Variants in ABCC1 observed in about 807,000 individuals in gnomAD.
ABCC1 encodes the protein ATP binding cassette subfamily C member 1 (ABCC1 blood group).
ABCC1 carries 83 observed loss-of-function variants against 172.9 expected under a neutral mutation model. That is an observed-to-expected ratio of 0.48 (90% CI 0.40 to 0.58). The LOEUF (loss-of-function observed/expected upper bound fraction) is 0.58, where lower values mean the gene tolerates loss of function less well. Ranked by LOEUF, ABCC1 falls within the 20% of genes least tolerant of loss-of-function variation. The probability of loss-of-function intolerance (pLI) is 0.00; values close to 1 mark genes in which losing one functional copy is unlikely to be tolerated. For missense variants in ABCC1, 1,817 were observed against 2,002.7 expected, an observed-to-expected ratio of 0.91 and a Z score of 1.77; for synonymous variants, 937 against 825.2, an observed-to-expected ratio of 1.14 and a Z score of -2.32.
chr16:15,963,877 T>C (rs2046190486), intron 1 of ABCC1, among the ~76,000 whole-genome samples: 1 of 152,218 alleles, frequency 6.6e-6, no homozygotes, highest in African/African-American at 2.4e-5. Context: ...TGCAAGTTTC[T>C]GCAGCCGGCT....
chr16:15,956,336 G>T (rs1327471756), intron 1 of ABCC1, among the ~76,000 whole-genome samples: 1 of 151,676 alleles, frequency 6.6e-6, no homozygotes, highest in African/African-American at 2.4e-5. Context: ...TTGCACTCCA[G>T]CTTGGGTGAC....
chr16:16,120,820 A>G (rs2045116643), intron 23 of ABCC1, among the ~76,000 whole-genome samples: 1 of 152,062 alleles, frequency 6.6e-6, no homozygotes, highest in Non-Finnish European at 1.5e-5. Context: ...GGGTGACGAG[A>G]TTGACCCTAT....
chr16:16,125,320 T>C (rs894976396), intron 25 of ABCC1, among the ~76,000 whole-genome samples: 2 of 152,218 alleles, frequency 1.3e-5, no homozygotes, highest in African/African-American at 4.8e-5. Flanking sequence ...GAAATGTGTG[T>C]GCTTAGGAGA....
At chr16:16,074,483 G>C (rs35620) in intron 14 of ABCC1, among the ~76,000 whole-genome samples, 125,786 of 152,090 alleles carry the variant, frequency 0.83, 52,147 homozygotes, top group African/African-American at 0.85. Flanking sequence ...TGGTTTCTTG[G>C]TACTGAAGTT....
At chr16:15,984,970 G>A (rs1400276315) in intron 1 of ABCC1, among the ~76,000 whole-genome samples, 1 of 151,918 alleles carries the variant, frequency 6.6e-6, no homozygotes, top group Non-Finnish European at 1.5e-5. Context: ...GGGCGTGGTG[G>A]CATACACCTG....
rs144049361 is a variant in ABCC1 at position 16,052,088 on chromosome 16, G to T, written c.1381-636G>T. On this transcript the variant is annotated intron_variant, in intron 10 of 30. Transcript: ENST00000399410. The stretch of plus-strand genomic sequence containing the variant: ...TCTACAAAAAATCAAAAAAATAGCT[G>T]GGCATGGTGGTGTGAGTGTAGTCAC... Among the ~76,000 whole-genome samples the T allele has an allele frequency of 2.8e-3, 433 of 152,274 alleles. 4 individuals carry two copies. The highest frequency in any genetic ancestry group is 9.3e-3 in the African/African-American group (386 of 41,562).
intron 12 of ABCC1, among the ~76,000 whole-genome samples, chr16:16,061,780 T>C (rs1006895831): frequency 5.5e-5 from 8 of 144,628 alleles, no homozygotes; most frequent in Non-Finnish European, 9.0e-5. Flanking sequence ...TTCTTTTTTT[T>C]TTTTTTTTTT....
chr16:15,986,258 A>G (rs2046741240), intron 1 of ABCC1, among the ~76,000 whole-genome samples: 1 of 152,086 alleles, frequency 6.6e-6, no homozygotes, highest in South Asian at 2.1e-4. Context: ...TCTGACTCAG[A>G]TATTCCCACC....
At chr16:16,121,495 G>C (rs1463654282) in intron 23 of ABCC1, among the ~76,000 whole-genome samples, 1 of 152,194 alleles carries the variant, frequency 6.6e-6, no homozygotes, top group Non-Finnish European at 1.5e-5. Flanking sequence ...CCACACTGCT[G>C]GTTCCAGAAA....
Position 15,979,364 on chromosome 16 carries a change from G to A in ABCC1, c.49-28452G>A, listed in dbSNP as rs112077386. ...ATGTGAAGTAGTCTAGATGAGATACGCTCTTCCTGAGATGATAAAGTGAGG... is the reference window on the plus strand; with the variant it reads ...ATGTGAAGTAGTCTAGATGAGATACACTCTTCCTGAGATGATAAAGTGAGG... On this transcript the variant is annotated intron_variant, in intron 1 of 30. Transcript: ENST00000399410. Among the ~76,000 whole-genome samples, 193 of 152,160 alleles carry A rather than the reference G, an allele frequency of 1.3e-3. 2 individuals carry two copies. Among genetic ancestry groups the A allele is most frequent in the South Asian group, 3.5e-3 (17 of 4,824 alleles).
chr16:16,006,842 C>CGTGGTGGTGGTGGTGGTG (rs71388786), intron 1 of ABCC1, among the ~76,000 whole-genome samples: 5 of 83,008 alleles, frequency 6.0e-5, no homozygotes, highest in African/African-American at 1.5e-4. Context: ...GGTTGTTATC[C>CGTGGTGGTGGTGGTGGTG]GTGGTGGTGG....
At chr16:16,052,515 G>T (rs939558300) in intron 10 of ABCC1, among the ~76,000 whole-genome samples, 2 of 152,146 alleles carry the variant, frequency 1.3e-5, no homozygotes, top group Non-Finnish European at 2.9e-5. Context: ...GCGTGGACCT[G>T]CTTATTCTTC....
At chr16:16,062,161 C>T (rs907549659) in intron 12 of ABCC1, among the ~76,000 whole-genome samples, 4 of 152,134 alleles carry the variant, frequency 2.6e-5, no homozygotes, top group East Asian at 1.9e-4. Flanking sequence ...CCTTGTGTCC[C>T]GCTTAGGAGG....
chr16:16,132,495 G>GT (rs1269210144), intron 27 of ABCC1, among the ~76,000 whole-genome samples: 1 of 67,420 alleles, frequency 1.5e-5, no homozygotes, highest in African/African-American at 5.4e-5. Context: ...TTCTTTTTTT[G>GT]TTTTTTGGTT....
In ABCC1 at chr16:16,044,779, A is replaced by C. The variant is rs915836649; in HGVS notation, c.1040+99A>C. ...ACCCTGGGGTCATGCTGTGTCCTGA[A>C]GTGGGCTCATAGCCAGATGTCTCCA... On this transcript the variant is annotated intron_variant, in intron 8 of 30. Transcript: ENST00000399410. The C allele has an allele frequency of 2.7e-6, 3 of 1,109,756 alleles. No individual in the cohort carries two copies. The East Asian group carries it at 7.3e-5, about 27-fold the overall frequency. The allele number at this position is 1,109,756 out of a possible 1,614,324, so 68.7% of individuals were successfully genotyped here.
chr16:16,085,500 C>T (rs891761431), intron 17 of ABCC1, among the ~76,000 whole-genome samples: 4 of 152,228 alleles, frequency 2.6e-5, no homozygotes, highest in Non-Finnish European at 5.9e-5. Context: ...GAATTATTGG[C>T]TGGGCGCGGT....
chr16:16,132,171 A>G (rs2045703937), intron 27 of ABCC1, among the ~76,000 whole-genome samples: 1 of 152,054 alleles, frequency 6.6e-6, no homozygotes, highest in Non-Finnish European at 1.5e-5. Flanking sequence ...AATGAGCCCC[A>G]CAGATTTGTT....
intron 19 of ABCC1, among the ~76,000 whole-genome samples, chr16:16,100,429 C>T (rs959063129): frequency 7.2e-5 from 11 of 152,296 alleles, no homozygotes; most frequent in African/African-American, 2.6e-4. Context: ...GGAACATTCT[C>T]ATCCCTGCAC....
chr16:15,996,226 G>T (rs889171629), intron 1 of ABCC1, among the ~76,000 whole-genome samples: 3 of 151,778 alleles, frequency 2.0e-5, no homozygotes, highest in Non-Finnish European at 4.4e-5. Context: ...CTCATGATCC[G>T]CCCGCCTCAG....
Sources: gnomAD v4.1 joint callset for allele counts (sites outside exome capture counted in the v4.1 genomes callset) on GRCh38, gnomAD v4.1.1 for gene constraint, MANE v1.5 for transcripts, NCBI Gene and HGNC (gene_info 2026-07-23, HGNC 2026-07-21) for gene names.